The following ATXN10 variants were observed in gnomAD, a reference collection of about 807,000 sequenced individuals.
ATXN10 encodes ataxin 10.
Under a neutral mutation model 52.9 loss-of-function variants are expected in ATXN10, and 28 were observed. The observed-to-expected ratio is 0.53, with a 90% confidence interval of 0.39 to 0.73. ATXN10 has a LOEUF of 0.73. Ranked by LOEUF, ATXN10 falls within the 30% of genes least tolerant of loss-of-function variation. The pLI is 0.00. For missense variants in ATXN10, 565 were observed against 577.0 expected, an observed-to-expected ratio of 0.98 and a Z score of 0.21; for synonymous variants, 226 against 221.5, an observed-to-expected ratio of 1.02 and a Z score of -0.18.
chr22:45,766,806 C>A lies in ATXN10; in HGVS notation c.1173+26268C>A, dbSNP rs1926597740. ...TAATATCCATAATACAAAGAGTTTC[C>A]AAAAATAAAGGAAAAAACCAATAGC... On this transcript the variant is annotated intron_variant, in intron 9 of 11. Coordinates refer to ENST00000252934, the MANE Select transcript of ATXN10 (RefSeq NM_013236.4). This position sits in a 1 kb window ranked among gnomAD's most constrained non-coding sequence, Gnocchi z 4.6. 1.3e-5 allele frequency among the ~76,000 whole-genome samples: 2 copies of A among 151,756 alleles called. No homozygotes were observed. The highest frequency in any genetic ancestry group is 1.3e-4 in the Admixed American group (2 of 15,244).
At chr22:45,760,922 A>G (rs1234625360) in intron 9 of ATXN10, among the ~76,000 whole-genome samples, 1 of 152,196 alleles carries the variant, frequency 6.6e-6, no homozygotes, top group Non-Finnish European at 1.5e-5. Flanking sequence ...TTGCTACAGC[A>G]GTGGAGGCCT....
Position 45,681,257 on chromosome 22 carries a change from TCC to T in ATXN10, c.117-8453_117-8452del, listed in dbSNP as rs984387386. Among the ~76,000 whole-genome samples, 2 of 152,196 alleles carry T rather than the reference TCC, an allele frequency of 1.3e-5. No homozygotes were observed. The highest frequency in any genetic ancestry group is 2.9e-5 in the Non-Finnish European group (2 of 68,036). On this transcript the variant is annotated intron_variant, in intron 1 of 11. Transcript: ENST00000252934. The surrounding 1 kb of genome is among the most constrained non-coding windows in gnomAD (Gnocchi z 4.2). The stretch of plus-strand genomic sequence containing the variant: ...GACCTCGAATTTCTTTGACTTTCTC[TCC>T]CTTAGTGAGCTTGACCTCCATCCCA...
chr22:45,724,937 A>G (rs1924808790), intron 6 of ATXN10, among the ~76,000 whole-genome samples: 1 of 151,970 alleles, frequency 6.6e-6, no homozygotes, highest in Non-Finnish European at 1.5e-5. Flanking sequence ...ATGTTTTTGT[A>G]TGCTTTTATG....
intron 10 of ATXN10, among the ~76,000 whole-genome samples, chr22:45,830,729 G>C (rs1482391027): frequency 6.6e-6 from 1 of 151,814 alleles, no homozygotes; most frequent in African/African-American, 2.4e-5. Context: ...CATGAATGTG[G>C]AGAAATCAGA....
chr22:45,842,904 G>A lies in ATXN10; in HGVS notation c.1238-87G>A. The A allele has an allele frequency of 7.1e-7, 1 of 1,418,382 alleles. No individual in the cohort carries two copies. Among genetic ancestry groups the A allele is most frequent in the Non-Finnish European group, 1.0e-6 (1 of 1,004,934 alleles). The allele number at this position is 1,418,382 out of a possible 1,614,324, so 87.9% of individuals were successfully genotyped here. The stretch of plus-strand genomic sequence containing the variant: ...TTGATACTGGATGTTCCGTGTTTCT[G>A]TGCTCCTCTACTCCTTTTCTGATAA... On this transcript the variant is annotated intron_variant, in intron 10 of 11. Transcript: ENST00000252934. This position sits in a 1 kb window ranked among gnomAD's most constrained non-coding sequence, Gnocchi z 4.8.
At chr22:45,740,725 T>TAG in intron 9 of ATXN10, 187 bp downstream of exon 9, 3 of 364,970 alleles carry the variant, frequency 8.2e-6, no homozygotes, top group Non-Finnish European at 4.8e-6. Flanking sequence ...CACACATATA[T>TAG]ATACACACAC....
chr22:45,759,793 C>T lies in ATXN10; in HGVS notation c.1173+19255C>T, dbSNP rs1043008722. Among the ~76,000 whole-genome samples the T allele has an allele frequency of 1.3e-5, 2 of 152,214 alleles. No individual in the cohort carries two copies. The highest frequency in any genetic ancestry group is 2.4e-5 in the African/African-American group (1 of 41,456). ...CTAAGGGACCATATAACAGTCAGCA[C>T]TGTCCATCGCTTGCTTCTCTCTCTT... On this transcript the variant is annotated intron_variant, in intron 9 of 11. Transcript: ENST00000252934. This position sits in a 1 kb window ranked among gnomAD's most constrained non-coding sequence, Gnocchi z 5.4.
At position 45,793,706 on chromosome 22, in the gene ATXN10, G is replaced by A. The variant is rs748918187; in HGVS notation, c.1174-13253G>A. On this transcript the variant is annotated intron_variant, in intron 9 of 11. Transcript: ENST00000252934. ...GTCACCAATCACACAGCTCCATGCT[G>A]AGGCCCTCTTGCCTGCTACTGAGGA... 3.6e-5 allele frequency: 54 copies of A among 1,482,984 alleles called. No individual in the cohort carries two copies. The African/African-American group carries it at 6.8e-4, about 19-fold the overall frequency. 91.9% of individuals were successfully genotyped at this position (1,482,984 alleles called of 1,614,324 possible). A position where few individuals can be genotyped will look rare whatever the true frequency, so the allele number is the denominator to read the frequency against.
chr22:45,787,630 A>G lies in ATXN10; in HGVS notation c.1174-19329A>G, dbSNP rs1285660876. On this transcript the variant is annotated intron_variant, in intron 9 of 11. Transcript: ENST00000252934. The surrounding 1 kb of genome is among the most constrained non-coding windows in gnomAD (Gnocchi z 4.2). The stretch of plus-strand genomic sequence containing the variant: ...GGCTCTTCCCATATCCCAGCTTTGG[A>G]CAGAATAGTCAGTTGGAATTAAAAT... Among the ~76,000 whole-genome samples, 1 of 152,168 alleles carries G rather than the reference A, an allele frequency of 6.6e-6. No individual in the cohort carries two copies. The highest frequency in any genetic ancestry group is 1.5e-5 in the Non-Finnish European group (1 of 68,028).
In ATXN10 at chr22:45,787,676, G is replaced by A. The variant is rs1382864658; in HGVS notation, c.1174-19283G>A. 6.6e-6 allele frequency among the ~76,000 whole-genome samples: 1 copy of A among 152,138 alleles called. No individual in the cohort carries two copies. On this transcript the variant is annotated intron_variant, in intron 9 of 11. Coordinates refer to ENST00000252934, the MANE Select transcript of ATXN10 (RefSeq NM_013236.4). The surrounding 1 kb of genome is among the most constrained non-coding windows in gnomAD (Gnocchi z 4.2). ...AAAATAATTTAATTCAGTTTAGTGA[G>A]GTCTATATGTTTGTCTGTGTGTTAT...
intron 1 of ATXN10, chr22:45,679,306 G>A (rs1024993730): frequency 1.3e-5 from 2 of 152,198 alleles, no homozygotes; most frequent in African/African-American, 4.8e-5. Flanking sequence ...TGAGCCATGA[G>A]AGAGAAAATG....
At chr22:45,737,920 C>T (rs942070122) in intron 7 of ATXN10, among the ~76,000 whole-genome samples, 3 of 151,974 alleles carry the variant, frequency 2.0e-5, no homozygotes, top group Non-Finnish European at 2.9e-5. Flanking sequence ...CCAGGCTGAT[C>T]TTGAGCTCTT....
rs1422032876 is a variant in ATXN10, at chr22:45,820,435, G to A, written c.1237+13413G>A. On this transcript the variant is annotated intron_variant, in intron 10 of 11. Transcript: ENST00000252934. The surrounding 1 kb of genome is among the most constrained non-coding windows in gnomAD (Gnocchi z 4.9). The stretch of plus-strand genomic sequence containing the variant: ...TCATTTGTGTTTCTTCTAATGATAA[G>A]TGACTTGGACTCTGAGCAACTTGGA... Among the ~76,000 whole-genome samples the A allele has an allele frequency of 6.6e-6, 1 of 152,190 alleles. No homozygotes were observed. The highest frequency in any genetic ancestry group is 2.4e-5 in the African/African-American group (1 of 41,446).
rs760261068 is a variant in ATXN10, at chr22:45,772,808, C to T, written c.1173+32270C>T. On this transcript the variant is annotated intron_variant, in intron 9 of 11. Coordinates refer to ENST00000252934, the MANE Select transcript of ATXN10 (RefSeq NM_013236.4). The surrounding 1 kb of genome is among the most constrained non-coding windows in gnomAD (Gnocchi z 4.1). ...TTTTTAGCACAGTGGTTGCTTGGTA[C>T]CCATGGGGTATTCATTCCAGGACCC... 6.6e-6 allele frequency among the ~76,000 whole-genome samples: 1 copy of T among 152,134 alleles called. No homozygotes were observed. Among genetic ancestry groups the T allele is most frequent in the Non-Finnish European group, 1.5e-5 (1 of 68,020 alleles).
chr22:45,793,644 T>A, intron 9 of ATXN10: 1 of 1,391,918 alleles, frequency 7.2e-7, no homozygotes. Flanking sequence ...CCACCAGCCT[T>A]TGCCAAGGAT....
At chr22:45,806,206 G>T (rs1006796332) in intron 9 of ATXN10, among the ~76,000 whole-genome samples, 2 of 152,126 alleles carry the variant, frequency 1.3e-5, no homozygotes, top group Admixed American at 1.3e-4. Flanking sequence ...TTTCCTTGTG[G>T]CCTTACCAAT....
At chr22:45,798,243 A>G (rs1276692510) in intron 9 of ATXN10, among the ~76,000 whole-genome samples, 1 of 152,228 alleles carries the variant, frequency 6.6e-6, no homozygotes, top group Non-Finnish European at 1.5e-5. Flanking sequence ...ACTACAGAGC[A>G]GTGTCTCTCA....
rs1021709271 is a variant in ATXN10, at chr22:45,816,137, C to T, written c.1237+9115C>T. Among the ~76,000 whole-genome samples, 2 of 152,118 alleles carry T rather than the reference C, an allele frequency of 1.3e-5. No individual in the cohort carries two copies. The highest frequency in any genetic ancestry group is 2.4e-5 in the African/African-American group (1 of 41,434). ...GCGTGGTGGCACGCACCCTTAGTCC[C>T]AGCTACTCGGGAGGCTGAGGCAGGA... On this transcript the variant is annotated intron_variant, in intron 10 of 11. Transcript: ENST00000252934. This position sits in a 1 kb window ranked among gnomAD's most constrained non-coding sequence, Gnocchi z 5.8.
At position 45,786,149 on chromosome 22, in the gene ATXN10, A is replaced by T. The variant is rs2146858804; in HGVS notation, c.1174-20810A>T. Among the ~76,000 whole-genome samples the T allele has an allele frequency of 6.6e-6, 1 of 152,316 alleles. No individual in the cohort carries two copies. Among genetic ancestry groups the T allele is most frequent in the East Asian group, 1.9e-4 (1 of 5,180 alleles). On this transcript the variant is annotated intron_variant, in intron 9 of 11. Coordinates refer to ENST00000252934, the MANE Select transcript of ATXN10 (RefSeq NM_013236.4). The surrounding 1 kb of genome is among the most constrained non-coding windows in gnomAD (Gnocchi z 4.1). ...GTTTGCTAAAGAAAAGATAGTTGCTAATTTTTCTGGAATTTGGTAGTTGAA... is the reference window on the plus strand; with the variant it reads ...GTTTGCTAAAGAAAAGATAGTTGCTTATTTTTCTGGAATTTGGTAGTTGAA...
Sources: gnomAD v4.1 joint callset for allele counts (sites outside exome capture counted in the v4.1 genomes callset) on GRCh38, gnomAD v4.1.1 for gene constraint, Gnocchi (gnomAD v3.1) non-coding constraint, MANE v1.5 for transcripts, NCBI Gene and HGNC (gene_info 2026-07-23, HGNC 2026-07-21) for gene names.